The following ITGA11 variants were observed in gnomAD, a reference collection of about 807,000 sequenced individuals.
ITGA11 encodes integrin alpha-11.
In ITGA11, 97 loss-of-function variants were observed where a neutral mutation model predicts 141.9. That is an observed-to-expected ratio of 0.68 (90% CI 0.58 to 0.81). The LOEUF (loss-of-function observed/expected upper bound fraction) is 0.81. ITGA11 is among the 30% of genes least tolerant of loss of function. ITGA11 has a pLI of 0.00. For synonymous variants in ITGA11, 658 were observed against 624.6 expected (o/e 1.05, Z -0.80); for missense variants, 1,387 against 1,559.2 (o/e 0.89, Z 1.86).
rs1892995787 is a variant in ITGA11, at chr15:68,300,163, A to G, written c.*2896T>C. On this transcript the variant is annotated 3_prime_UTR_variant, in exon 30 of 30. Coordinates refer to ENST00000315757, the MANE Select transcript of ITGA11 (RefSeq NM_001004439.2). The stretch of plus-strand genomic sequence containing the variant: ...TTTAATGTGCTTAGAATTACCTCAC[A>G]GAGCTTGGATCCATGAAGTCTGAGG... 6.6e-6 allele frequency: 1 copy of G among 152,246 alleles called. No individual in the cohort carries two copies. The highest frequency in any genetic ancestry group is 1.5e-5 in the Non-Finnish European group (1 of 68,040). The allele number at this position is 152,246 out of a possible 1,614,324, so 9.4% of individuals were successfully genotyped here.
chr15:68,415,854 G>A (rs549449748), intron 1 of ITGA11, among the ~76,000 whole-genome samples: 1 of 152,346 alleles, frequency 6.6e-6, no homozygotes, highest in South Asian at 2.1e-4. Context: ...TGCTCAGAAA[G>A]AGTGAAGCAG....
chr15:68,358,606 T>TA, intron 5 of ITGA11, 21 bp from the exon 6 acceptor site: 1 of 1,601,720 alleles, frequency 6.2e-7, no homozygotes, highest in East Asian at 2.2e-5. Context: ...GGGACACAGT[T>TA]ATGGCTACCC....
chr15:68,373,151 C>T (rs965460907), intron 2 of ITGA11, among the ~76,000 whole-genome samples: 4 of 152,308 alleles, frequency 2.6e-5, no homozygotes, highest in African/African-American at 9.6e-5. Flanking sequence ...TTCCCACCTG[C>T]TCCAGGAAGC....
intron 2 of ITGA11, among the ~76,000 whole-genome samples, chr15:68,384,278 A>AT (rs1175200951): frequency 6.6e-6 from 1 of 150,744 alleles, no homozygotes; most frequent in East Asian, 2.0e-4. Flanking sequence ...AAAAAAAAAA[A>AT]AGGAGACAGA....
rs1893145432 is a variant in ITGA11, at chr15:68,304,961, T to C, written c.3382-1076A>G. The stretch of plus-strand genomic sequence containing the variant: ...CTGCCCGACTGCCTCCCCTCTGCAG[T>C]TTGTTCTTAGCATAGCAACTAGAGG... On this transcript the variant is annotated intron_variant, in intron 28 of 29. Transcript: ENST00000315757. This position sits in a 1 kb window ranked among gnomAD's most constrained non-coding sequence, Gnocchi z 6.1. Among the ~76,000 whole-genome samples the C allele has an allele frequency of 6.6e-6, 1 of 152,186 alleles. No individual in the cohort carries two copies. The highest frequency in any genetic ancestry group is 1.5e-5 in the Non-Finnish European group (1 of 68,036).
intron 2 of ITGA11, among the ~76,000 whole-genome samples, chr15:68,396,220 G>A (rs1450644262): frequency 6.6e-6 from 1 of 151,328 alleles, no homozygotes; most frequent in Non-Finnish European, 1.5e-5. Context: ...AGGAATGCAA[G>A]TTGGTTTAAT....
intron 1 of ITGA11, among the ~76,000 whole-genome samples, chr15:68,429,476 T>C (rs1897220587): frequency 6.6e-6 from 1 of 152,202 alleles, no homozygotes. Flanking sequence ...TTTTTTAGGC[T>C]TTCCTGTTAG....
Position 68,300,252 on chromosome 15 carries a change from G to A in ITGA11, c.*2807C>T, listed in dbSNP as rs925985008. On this transcript the variant is annotated 3_prime_UTR_variant, in exon 30 of 30. Transcript: ENST00000315757. ...GGGACCACTCTTTGAGAAGCGCAGC[G>A]CTGCAGAGATCATCTGCTTTATGAG... is the stretch of plus-strand genomic sequence containing the variant. 3.3e-5 allele frequency: 5 copies of A among 152,198 alleles called. No individual in the cohort carries two copies. Among genetic ancestry groups the A allele is most frequent in the African/African-American group, 4.8e-5 (2 of 41,446 alleles). 9.4% of individuals were successfully genotyped at this position (152,198 alleles called of 1,614,324 possible). A position where few individuals can be genotyped will look rare whatever the true frequency, so the allele number is the denominator to read the frequency against.
intron 2 of ITGA11, among the ~76,000 whole-genome samples, chr15:68,390,901 C>G (rs1567154419): frequency 6.6e-6 from 1 of 152,198 alleles, no homozygotes; most frequent in Non-Finnish European, 1.5e-5. Flanking sequence ...CCTGTCCTTC[C>G]TTTGAGGTTC....
At chr15:68,420,720 G>A (rs1189739329) in intron 1 of ITGA11, among the ~76,000 whole-genome samples, 3 of 152,228 alleles carry the variant, frequency 2.0e-5, no homozygotes, top group East Asian at 3.8e-4. Context: ...TTTATCACTT[G>A]TGTACTCTGG....
chr15:68,422,235 T>C (rs934014293), intron 1 of ITGA11, among the ~76,000 whole-genome samples: 2 of 151,994 alleles, frequency 1.3e-5, no homozygotes, highest in Non-Finnish European at 2.9e-5. Context: ...AGCAACATTC[T>C]CCACTGCCTG....
intron 1 of ITGA11, among the ~76,000 whole-genome samples, chr15:68,421,413 C>T (rs915383078): frequency 6.6e-6 from 1 of 152,148 alleles, no homozygotes; most frequent in East Asian, 1.9e-4. Flanking sequence ...GGACCTCTTA[C>T]TCAGAGTAAG....
intron 2 of ITGA11, among the ~76,000 whole-genome samples, chr15:68,378,968 G>T (rs1334039224): frequency 6.6e-6 from 1 of 152,188 alleles, no homozygotes; most frequent in Admixed American, 6.5e-5. Flanking sequence ...GGAAGAGTGA[G>T]GGAAGGTGAC....
intron 2 of ITGA11, among the ~76,000 whole-genome samples, chr15:68,388,629 T>C (rs1258169208): frequency 1.3e-5 from 2 of 152,176 alleles, no homozygotes; most frequent in Non-Finnish European, 2.9e-5. Context: ...GAAGTATTAA[T>C]GGAATGAATG....
chr15:68,423,438 G>T (rs1897066341), intron 1 of ITGA11, among the ~76,000 whole-genome samples: 1 of 152,162 alleles, frequency 6.6e-6, no homozygotes, highest in South Asian at 2.1e-4. Flanking sequence ...TGAAGGCCAG[G>T]GACAGCTCAG....
intron 7 of ITGA11, among the ~76,000 whole-genome samples, chr15:68,354,473 T>A (rs1197382925): frequency 6.6e-6 from 1 of 152,154 alleles, no homozygotes; most frequent in Non-Finnish European, 1.5e-5. Flanking sequence ...AACTACAACA[T>A]CATCACTCCC....
intron 1 of ITGA11, among the ~76,000 whole-genome samples, chr15:68,425,183 A>G (rs1459084748): frequency 6.6e-6 from 1 of 152,168 alleles, no homozygotes; most frequent in Non-Finnish European, 1.5e-5. Context: ...TTGCCAAACA[A>G]CAGGCCCACG....
Position 68,328,975 on chromosome 15 carries a change from G to A in ITGA11, c.1902-713C>T, listed in dbSNP as rs1419062337. Among the ~76,000 whole-genome samples, 7 of 152,174 alleles carry A rather than the reference G, an allele frequency of 4.6e-5. No homozygotes were observed. Among genetic ancestry groups the A allele is most frequent in the African/African-American group, 1.4e-4 (6 of 41,422 alleles). On this transcript the variant is annotated intron_variant, in intron 15 of 29. Transcript: ENST00000315757. This position sits in a 1 kb window ranked among gnomAD's most constrained non-coding sequence, Gnocchi z 4.8. ...GCCTAAGTCAAATGTAATTAGGAAC[G>A]GAAACCTATTGCCTCTCCCAACCAT...
intron 23 of ITGA11, among the ~76,000 whole-genome samples, chr15:68,313,125 C>T (rs1197343619): frequency 1.3e-5 from 2 of 152,200 alleles, no homozygotes; most frequent in Non-Finnish European, 2.9e-5. Flanking sequence ...CCTGCCCCAG[C>T]GTCTCTGCCT....
Sources: allele counts gnomAD v4.1 joint callset (sites outside exome capture counted in the v4.1 genomes callset), GRCh38; gene constraint gnomAD v4.1.1; non-coding constraint Gnocchi (gnomAD v3.1); transcripts MANE v1.5; gene names NCBI Gene and HGNC (gene_info 2026-07-23, HGNC 2026-07-21).